Variants in CCDC138 observed in about 807,000 individuals in gnomAD.
CCDC138 encodes the protein coiled-coil domain containing 138.
A neutral mutation model predicts 82.3 loss-of-function variants in CCDC138; 66 were observed. That is an observed-to-expected ratio of 0.80 (90% confidence interval 0.66 to 0.98). CCDC138 has a LOEUF of 0.98. Ranked by LOEUF, CCDC138 falls within the 50% of genes least tolerant of loss-of-function variation. The probability of loss-of-function intolerance (pLI) is 0.00; values close to 1 mark genes in which losing one functional copy is unlikely to be tolerated. For synonymous variants in CCDC138, 297 were observed against 265.4 expected, an observed-to-expected ratio of 1.12 and a Z score of -1.16; for missense variants, 816 against 758.9, an observed-to-expected ratio of 1.08 and a Z score of -0.88.
At chr2:108,849,207 CAG>C (rs984745946) in intron 12 of CCDC138, among the ~76,000 whole-genome samples, 9 of 151,954 alleles carry the variant, frequency 5.9e-5, no homozygotes, top group Non-Finnish European at 1.2e-4. Flanking sequence ...AAAAAGAAAA[CAG>C]AACATCAGTG....
rs538302276 is a variant in CCDC138, at chr2:108,791,271, A to G, written c.267-404A>G. ...TTTTGGAGACAACACCTGGAATTCT[A>G]GTTCTGCTCCACTTTCTACTCGTTA... is the stretch of plus-strand genomic sequence containing the variant. On this transcript the variant is annotated intron_variant, in intron 3 of 14. Transcript: ENST00000295124. Among the ~76,000 whole-genome samples the G allele has an allele frequency of 2.6e-5, 4 of 152,288 alleles. No homozygotes were observed. The South Asian group carries it at 6.2e-4, about 24-fold the overall frequency.
chr2:108,816,241 A>G, intron 10 of CCDC138, 136 bp downstream of exon 10: 1 of 611,164 alleles, frequency 1.6e-6, no homozygotes, highest in South Asian at 2.3e-5. Context: ...ACCTGAGGTC[A>G]GGAGTTTAAG....
intron 5 of CCDC138, 113 bp downstream of exon 5, chr2:108,794,834 C>G: frequency 1.2e-6 from 1 of 841,110 alleles, no homozygotes. Context: ...ATAAGTTTGT[C>G]AAGAGAAGGA....
At chr2:108,845,658 G>A (rs1174057069) in intron 11 of CCDC138, among the ~76,000 whole-genome samples, 2 of 147,892 alleles carry the variant, frequency 1.4e-5, no homozygotes, top group Non-Finnish European at 3.0e-5. Flanking sequence ...TGCAAGCTCC[G>A]CCTCCCGTGT....
chr2:108,788,795 AGATATTTTGTGATATATTGTT>A, intron 2 of CCDC138, 36 bp from the exon 3 acceptor site: 2 of 1,606,880 alleles, frequency 1.2e-6, no homozygotes, highest in Non-Finnish European at 1.7e-6. Context: ...GGCCAGTGCC[AGATATTTTGTGATATATTGTT>A]GTGGTAATCT....
rs575218753 is a variant in CCDC138 at position 108,876,275 on chromosome 2, G to A, written c.*22G>A. 1.5e-6 allele frequency: 2 copies of A among 1,371,616 alleles called. No individual in the cohort carries two copies. The highest frequency in any genetic ancestry group is 2.1e-5 in the Admixed American group (1 of 48,040). 85.0% of individuals were successfully genotyped at this position (1,371,616 alleles called of 1,614,324 possible). The stretch of plus-strand genomic sequence containing the variant: ...TTAGACTGGCTAATTTTTTAATATA[G>A]TATATGTGGTGCTTATTTATAAACA... On this transcript the variant is annotated 3_prime_UTR_variant, in exon 15 of 15. Coordinates refer to ENST00000295124, the MANE Select transcript of CCDC138 (RefSeq NM_144978.3).
At chr2:108,812,229 T>C (rs1683982344) in intron 7 of CCDC138, among the ~76,000 whole-genome samples, 1 of 152,168 alleles carries the variant, frequency 6.6e-6, no homozygotes, top group Non-Finnish European at 1.5e-5. Flanking sequence ...TACATATCAG[T>C]ATATACACAG....
intron 13 of CCDC138, among the ~76,000 whole-genome samples, chr2:108,859,083 G>C (rs1250159513): frequency 6.6e-6 from 1 of 152,030 alleles, no homozygotes; most frequent in Admixed American, 6.6e-5. Flanking sequence ...TTTGACTTTA[G>C]TAATAGCCGT....
intron 10 of CCDC138, among the ~76,000 whole-genome samples, chr2:108,828,607 CTT>C (rs1197545119): frequency 6.6e-6 from 1 of 152,178 alleles, no homozygotes; most frequent in Non-Finnish European, 1.5e-5. Flanking sequence ...GAAGGACAGT[CTT>C]TTCAACAAAT....
intron 7 of CCDC138, among the ~76,000 whole-genome samples, chr2:108,810,051 C>T (rs534836685): frequency 6.6e-6 from 1 of 152,310 alleles, no homozygotes; most frequent in African/African-American, 2.4e-5. Flanking sequence ...GGTGATCCGC[C>T]TGCCTCGGCC....
At position 108,788,931 on chromosome 2, in the gene CCDC138, A is replaced by G. The variant is rs765534423; in HGVS notation, c.231A>G (p.Pro77=). 3 of 1,614,150 alleles carry G rather than the reference A, an allele frequency of 1.9e-6. No individual in the cohort carries two copies. Among genetic ancestry groups the G allele is most frequent in the Non-Finnish European group, 2.5e-6 (3 of 1,179,998 alleles). Residue 77 remains proline (P), a synonymous_variant, in exon 3 of 15, where the codon CCA becomes CCG. Transcript: ENST00000295124. ...ATGAAAGCAAGCATTGTAGAACACC[A>G]TTGGGCAGCTTATTCAAGCACGTAA... ...YSDESKHCRT[P]LGSLFKHVNV...
At chr2:108,852,512 C>T (rs956491912) in intron 12 of CCDC138, among the ~76,000 whole-genome samples, 2 of 152,076 alleles carry the variant, frequency 1.3e-5, no homozygotes, top group African/African-American at 2.4e-5. Flanking sequence ...AAATGCCCAT[C>T]GAAGATAACC....
At chr2:108,842,176 C>T (rs1247357541) in intron 11 of CCDC138, among the ~76,000 whole-genome samples, 1 of 150,482 alleles carries the variant, frequency 6.6e-6, no homozygotes, top group African/African-American at 2.4e-5. Flanking sequence ...TACAGACGTT[C>T]GCCACCACAC....
chr2:108,794,459 T>C, intron 4 of CCDC138, 81 bp from the exon 5 acceptor site: 1 of 1,243,890 alleles, frequency 8.0e-7, no homozygotes, highest in Non-Finnish European at 1.1e-6. Flanking sequence ...ACTTAAAGCA[T>C]CTCTTCCTAA....
chr2:108,843,060 CTA>C (rs1174969161), intron 11 of CCDC138, among the ~76,000 whole-genome samples: 4 of 152,106 alleles, frequency 2.6e-5, no homozygotes, highest in Non-Finnish European at 5.9e-5. Context: ...TTTTTGTTTA[CTA>C]TGTTCTTCTC....
intron 12 of CCDC138, among the ~76,000 whole-genome samples, chr2:108,854,874 G>A (rs767318228): frequency 1.3e-5 from 2 of 152,156 alleles, no homozygotes; most frequent in African/African-American, 2.4e-5. Flanking sequence ...GGGCAGTAGA[G>A]TTCACCTTTT....
intron 10 of CCDC138, among the ~76,000 whole-genome samples, chr2:108,823,999 G>A (rs1686150034): frequency 6.6e-6 from 1 of 151,726 alleles, no homozygotes; most frequent in Non-Finnish European, 1.5e-5. Context: ...GGAGGGGTGG[G>A]GGGTACACCT....
At chr2:108,854,068 T>A (rs1692211574) in intron 12 of CCDC138, among the ~76,000 whole-genome samples, 1 of 124,288 alleles carries the variant, frequency 8.0e-6, no homozygotes, top group Non-Finnish European at 1.6e-5. Context: ...ATATATATTT[T>A]ATATATAATA....
rs1315516259 is a variant in CCDC138 at position 108,844,683 on chromosome 2, C to T, written c.1324-2055C>T. The stretch of plus-strand genomic sequence containing the variant: ...ACATCCTTAGGTGAAGCTTCAGCAA[C>T]AACCCAGAGTGCTATTTTTGGAGTT... On this transcript the variant is annotated intron_variant, in intron 11 of 14. Transcript: ENST00000295124. Among the ~76,000 whole-genome samples, 3 of 151,774 alleles carry T rather than the reference C, an allele frequency of 2.0e-5. No individual in the cohort carries two copies. The South Asian group carries it at 6.2e-4, about 31-fold the overall frequency.
Sources: gnomAD v4.1 joint callset for allele counts (sites outside exome capture counted in the v4.1 genomes callset) on GRCh38, gnomAD v4.1.1 for gene constraint, MANE v1.5 for transcripts, NCBI Gene and HGNC (gene_info 2026-07-23, HGNC 2026-07-21) for gene names.